The following TMPRSS2 variants were observed in gnomAD, a reference collection of about 807,000 sequenced individuals.
The protein encoded by TMPRSS2 is transmembrane serine protease 2, also known as transmembrane protease serine 2.
Under a neutral mutation model 67.4 loss-of-function variants are expected in TMPRSS2, and 59 were observed. That is an observed-to-expected ratio of 0.88 (90% confidence interval 0.71 to 1.09). The LOEUF (loss-of-function observed/expected upper bound fraction) is 1.09. Ranked by LOEUF, TMPRSS2 falls within the 50% of genes least tolerant of loss-of-function variation. TMPRSS2 has a pLI of 0.00. For synonymous variants in TMPRSS2, 257 were observed against 257.0 expected (o/e 1.00, Z 0.00); for missense variants, 668 against 642.7 (o/e 1.04, Z -0.43).
chr21:41,476,363 G>A (rs1179300842), intron 8 of TMPRSS2, among the ~76,000 whole-genome samples: 1 of 152,140 alleles, frequency 6.6e-6, no homozygotes, highest in East Asian at 1.9e-4. Flanking sequence ...GATCTCAGGG[G>A]GTGTCCCTTG....
intron 2 of TMPRSS2, 105 bp from the exon 3 acceptor site, chr21:41,494,683 A>G: frequency 9.5e-7 from 1 of 1,052,838 alleles, no homozygotes; most frequent in South Asian, 1.4e-5. Flanking sequence ...GATCTTTTAA[A>G]TTGATAATGT....
chr21:41,481,514 G>A (rs1362847986), intron 5 of TMPRSS2, among the ~76,000 whole-genome samples: 2 of 152,060 alleles, frequency 1.3e-5, no homozygotes, highest in African/African-American at 4.8e-5. Context: ...AAGGGCTTGG[G>A]GTTTCTTTAT....
intron 7 of TMPRSS2, 51 bp from the exon 8 acceptor site, chr21:41,476,671 C>T (rs1437838583): frequency 1.4e-6 from 2 of 1,480,022 alleles, no homozygotes; most frequent in Non-Finnish European, 1.9e-6. Flanking sequence ...GAGTCACCTG[C>T]CTCTCACATG....
chr21:41,466,029 A>T lies in TMPRSS2; in HGVS notation c.*113T>A. 1 of 1,335,530 alleles carries T rather than the reference A, an allele frequency of 7.5e-7. No homozygotes were observed. Among genetic ancestry groups the T allele is most frequent in the Non-Finnish European group, 1.1e-6 (1 of 943,076 alleles). 82.7% of individuals were successfully genotyped at this position (1,335,530 alleles called of 1,614,324 possible). A position where few individuals can be genotyped will look rare whatever the true frequency, so the allele number is the denominator to read the frequency against. On this transcript the variant is annotated 3_prime_UTR_variant, in exon 14 of 14. Coordinates refer to ENST00000332149, the MANE Select transcript of TMPRSS2 (RefSeq NM_005656.4). ...CCAAAGCCAGACAAGTTCACTGTTTAATAAAAATGAAGTGACCTCTGAATC... is the reference window on the plus strand; with the variant it reads ...CCAAAGCCAGACAAGTTCACTGTTTTATAAAAATGAAGTGACCTCTGAATC...
rs936471151 is a variant in TMPRSS2 at position 41,505,647 on chromosome 21, G to A, written c.-57+2434C>T. 1.6e-4 allele frequency among the ~76,000 whole-genome samples: 25 copies of A among 152,270 alleles called. 5 individuals are homozygous for A. The highest frequency in any genetic ancestry group is 6.5e-4 in the Admixed American group (10 of 15,300). On this transcript the variant is annotated intron_variant, in intron 1 of 13. Coordinates refer to ENST00000332149, the MANE Select transcript of TMPRSS2 (RefSeq NM_005656.4). ...CAGGTAGGGCTGTGGGCAGGGGCTG[G>A]GCTCTTTCAGGTCGGGGAGAACCAG... is the stretch of plus-strand genomic sequence containing the variant.
At chr21:41,466,474 G>A (rs571993620) in intron 13 of TMPRSS2, among the ~76,000 whole-genome samples, 5 of 152,278 alleles carry the variant, frequency 3.3e-5, no homozygotes, top group East Asian at 1.9e-4. Context: ...ACCTGCAGCC[G>A]CCAAACACAC....
chr21:41,494,672 T>C, intron 2 of TMPRSS2, 94 bp from the exon 3 acceptor site: 1 of 1,135,154 alleles, frequency 8.8e-7, no homozygotes, highest in South Asian at 1.3e-5. Context: ...GCTATACCAA[T>C]GATCTTTTAA....
rs138651919 is a variant in TMPRSS2 at position 41,494,472 on chromosome 21, G to A, written c.122C>T (p.Pro41Leu). Residue 41 changes from proline to leucine, a missense_variant, in exon 3 of 14, where the codon CCG (proline) becomes CTG (leucine). By Grantham distance (98) the Pro-to-Leu change is moderately conservative. Coordinates refer to ENST00000332149, the MANE Select transcript of TMPRSS2 (RefSeq NM_005656.4). ...CACGGGGGACGGGTAGTACTGAGCCGGATGCACCTCGTAGACAGTGGGGAC... is the reference window on the plus strand; with the variant it reads ...CACGGGGGACGGGTAGTACTGAGCCAGATGCACCTCGTAGACAGTGGGGAC... ...TVVPTVYEVHPAQYYPSPVPQ... is the reference protein window; with the variant it reads ...TVVPTVYEVHLAQYYPSPVPQ... 4.2e-4 allele frequency: 683 copies of A among 1,614,062 alleles called. 1 individual carries two copies. The highest frequency in any genetic ancestry group is 6.6e-4 in the Middle Eastern group (4 of 6,058).
chr21:41,468,540 T>A lies in TMPRSS2; in HGVS notation c.1172-2A>T. 6.2e-7 allele frequency: 1 copy of A among 1,614,020 alleles called. No homozygotes were observed. The highest frequency in any genetic ancestry group is 8.5e-7 in the Non-Finnish European group (1 of 1,179,984). On this transcript the variant is annotated splice_acceptor_variant, in intron 11 of 13. Transcript: ENST00000332149. LOFTEE classifies it high-confidence loss of function. ...CGTTCAGCACTTCTGAGGTCTTCCCTAAGGACAGGGAGACTTGTTGAGCTC... is the reference window on the plus strand; with the variant it reads ...CGTTCAGCACTTCTGAGGTCTTCCCAAAGGACAGGGAGACTTGTTGAGCTC...
At chr21:41,470,979 T>C (rs1041232613) in intron 10 of TMPRSS2, among the ~76,000 whole-genome samples, 2 of 152,230 alleles carry the variant, frequency 1.3e-5, no homozygotes, top group Admixed American at 6.5e-5. Context: ...ATAAGAGGAA[T>C]TATTTGCTAG....
Position 41,489,601 on chromosome 21 carries a change from AAGG to A in TMPRSS2, c.239-11_239-9del. ...ACAGTGCTTTCTTAGTCTCTGGAAGAAGGAGGAGAGTGCAACGTTCAGACCAGA... is the reference window on the plus strand; with the variant it reads ...ACAGTGCTTTCTTAGTCTCTGGAAGAAGGAGAGTGCAACGTTCAGACCAGA... On this transcript the variant is annotated splice_polypyrimidine_tract_variant and intron_variant, in intron 3 of 13. Coordinates refer to ENST00000332149, the MANE Select transcript of TMPRSS2 (RefSeq NM_005656.4). The A allele has an allele frequency of 6.2e-7, 1 of 1,611,518 alleles. No homozygotes were observed. The highest frequency in any genetic ancestry group is 8.5e-7 in the Non-Finnish European group (1 of 1,177,776).
At position 41,499,846 on chromosome 21, in the gene TMPRSS2, C is replaced by CT. The variant is rs1299771595; in HGVS notation, c.-56-1658dup. ...TGCACCTTCCTGAGCAAATAAAGGG[C>CT]TTTTTTCCACCCCTTCCCGCTTGGC... is the stretch of plus-strand genomic sequence containing the variant. On this transcript the variant is annotated intron_variant, in intron 1 of 13. Coordinates refer to ENST00000332149, the MANE Select transcript of TMPRSS2 (RefSeq NM_005656.4). Among the ~76,000 whole-genome samples, 4 of 152,122 alleles carry CT rather than the reference C, an allele frequency of 2.6e-5. No homozygotes were observed. The East Asian group carries it at 7.7e-4, about 29-fold the overall frequency.
intron 6 of TMPRSS2, among the ~76,000 whole-genome samples, chr21:41,479,927 C>T (rs1164341524): frequency 6.6e-6 from 1 of 152,160 alleles, no homozygotes; most frequent in Admixed American, 6.5e-5. Context: ...GCGACACACA[C>T]CCTGTTAAGC....
At position 41,465,588 on chromosome 21, in the gene TMPRSS2, C is replaced by G. The variant is rs920953964; in HGVS notation, c.*554G>C. The G allele has an allele frequency of 4.3e-6, 1 of 234,480 alleles. No individual in the cohort carries two copies. Among genetic ancestry groups the G allele is most frequent in the African/African-American group, 2.2e-5 (1 of 45,366 alleles). The allele number at this position is 234,480 out of a possible 1,614,324, so 14.5% of individuals were successfully genotyped here. On this transcript the variant is annotated 3_prime_UTR_variant, in exon 14 of 14. Coordinates refer to ENST00000332149, the MANE Select transcript of TMPRSS2 (RefSeq NM_005656.4). Reference sequence around the variant, plus strand: ...TTTCTGTTCCCCTTACAAGTGACTACCACGTCACCACCCATGAAGGGCTGG... The same window carrying G: ...TTTCTGTTCCCCTTACAAGTGACTAGCACGTCACCACCCATGAAGGGCTGG...
intron 12 of TMPRSS2, 57 bp downstream of exon 12, chr21:41,468,339 T>TG: frequency 1.9e-6 from 3 of 1,600,848 alleles, no homozygotes; most frequent in East Asian, 2.2e-5. Flanking sequence ...CTCTCTCTCA[T>TG]GGGGGGTTCA....
rs558824762 is a variant in TMPRSS2 at position 41,478,014 on chromosome 21, C to A, written c.683+1158G>T. ...ACGGCAGCACCTCCTCCCCTCCCCC[C>A]GTCCCTGCCCGGCTGGACTTGGCTC... On this transcript the variant is annotated intron_variant, in intron 7 of 13. Coordinates refer to ENST00000332149, the MANE Select transcript of TMPRSS2 (RefSeq NM_005656.4). This position sits in a 1 kb window ranked among gnomAD's most constrained non-coding sequence, Gnocchi z 4.0. Among the ~76,000 whole-genome samples the A allele has an allele frequency of 6.6e-6, 1 of 152,238 alleles. No homozygotes were observed. The highest frequency in any genetic ancestry group is 1.5e-5 in the Non-Finnish European group (1 of 68,044).
Position 41,464,950 on chromosome 21 carries a change from C to A in TMPRSS2, c.*1192G>T, listed in dbSNP as rs746574484. 15 of 233,152 alleles carry A rather than the reference C, an allele frequency of 6.4e-5. No homozygotes were observed. Among genetic ancestry groups the A allele is most frequent in the Non-Finnish European group, 1.3e-4 (15 of 118,052 alleles). 14.4% of individuals were successfully genotyped at this position (233,152 alleles called of 1,614,324 possible). A position where few individuals can be genotyped will look rare whatever the true frequency, so the allele number is the denominator to read the frequency against. ...CTCATGGTTATGGCACTTGGCAATG[C>A]AAAAGGGACCCTTCCCCTGGTTGGA... On this transcript the variant is annotated 3_prime_UTR_variant, in exon 14 of 14. Transcript: ENST00000332149.
chr21:41,473,633 GC>G (rs2091155695), intron 8 of TMPRSS2, 137 bp from the exon 9 acceptor site: 3 of 959,276 alleles, frequency 3.1e-6, no homozygotes, highest in Non-Finnish European at 3.1e-6. Context: ...GACTTAGGGG[GC>G]TCCTGGGGGT....
chr21:41,483,519 C>T (rs1569019014), intron 5 of TMPRSS2, among the ~76,000 whole-genome samples: 1 of 151,878 alleles, frequency 6.6e-6, no homozygotes, highest in African/African-American at 2.4e-5. Context: ...TGACCTCAGG[C>T]GATCCCCACC....
Sources: gnomAD v4.1 joint callset for allele counts (sites outside exome capture counted in the v4.1 genomes callset) on GRCh38, gnomAD v4.1.1 for gene constraint, Gnocchi (gnomAD v3.1) non-coding constraint, MANE v1.5 for transcripts, NCBI Gene and HGNC (gene_info 2026-07-23, HGNC 2026-07-21) for gene names.